Variants in ERI3 observed in about 807,000 individuals in gnomAD.
The protein encoded by ERI3 is ERI1 exoribonuclease 3.
Under a neutral mutation model 44.4 loss-of-function variants are expected in ERI3, and 18 were observed. That is an observed-to-expected ratio of 0.41 (90% CI 0.28 to 0.60). ERI3 has a LOEUF of 0.60. Among genes scored for constraint, ERI3 ranks in the 20% least tolerant of loss-of-function variants. The pLI is 0.36. For synonymous variants in ERI3, 183 were observed against 164.8 expected (o/e 1.11, Z -0.84); for missense variants, 294 against 435.5 (o/e 0.68, Z 2.89).
intron 7 of ERI3, among the ~76,000 whole-genome samples, chr1:44,265,396 T>G (rs325168): frequency 0.43 from 65,421 of 152,066 alleles, 15,895 homozygotes; most frequent in African/African-American, 0.67. Context: ...ACATCAGAAG[T>G]GGGGAACCAG....
In ERI3 at chr1:44,228,371, G is replaced by A. The variant is rs966710361; in HGVS notation, c.932-6731C>T. Among the ~76,000 whole-genome samples the A allele has an allele frequency of 3.9e-5, 6 of 152,178 alleles. No homozygotes were observed. Among genetic ancestry groups the A allele is most frequent in the Non-Finnish European group, 5.9e-5 (4 of 68,036 alleles). On this transcript the variant is annotated intron_variant, in intron 8 of 8. Transcript: ENST00000372257. The surrounding 1 kb of genome is among the most constrained non-coding windows in gnomAD (Gnocchi z 4.3). ...CGATTTCTCTCACCGTAATAAGCGC[G>A]CTCCAAATAATTAGCGTGTTTTACG...
chr1:44,245,705 C>G (rs1644540852), intron 8 of ERI3, among the ~76,000 whole-genome samples: 2 of 152,288 alleles, frequency 1.3e-5, no homozygotes, highest in Admixed American at 1.3e-4. Context: ...AACAGGTGAA[C>G]AGATAACAGG....
intron 7 of ERI3, among the ~76,000 whole-genome samples, chr1:44,277,425 C>A (rs920420214): frequency 6.6e-6 from 1 of 152,176 alleles, no homozygotes; most frequent in African/African-American, 2.4e-5. Flanking sequence ...CCCTACTTGC[C>A]CCACCACAGC....
At chr1:44,317,262 C>T (rs182626262) in intron 4 of ERI3, among the ~76,000 whole-genome samples, 1 of 152,306 alleles carries the variant, frequency 6.6e-6, no homozygotes, top group Admixed American at 6.5e-5. Flanking sequence ...CTCACACTTA[C>T]TAATGAGAGA....
At chr1:44,289,811 G>C (rs1645468140) in intron 6 of ERI3, among the ~76,000 whole-genome samples, 1 of 152,260 alleles carries the variant, frequency 6.6e-6, no homozygotes, top group South Asian at 2.1e-4. Flanking sequence ...CTTGTGAGCG[G>C]GAGCTCAGCT....
At chr1:44,247,886 G>T (rs779663035) in intron 8 of ERI3, 53 bp downstream of exon 8, 2 of 1,453,038 alleles carry the variant, frequency 1.4e-6, no homozygotes, top group East Asian at 4.8e-5. Context: ...ACTGGGGCAC[G>T]CGGGCAAGGG....
chr1:44,259,493 T>C (rs182637489), intron 7 of ERI3, among the ~76,000 whole-genome samples: 1 of 152,224 alleles, frequency 6.6e-6, no homozygotes, highest in Non-Finnish European at 1.5e-5. Flanking sequence ...CCTAAGGCCA[T>C]TCAGGGGCCC....
intron 7 of ERI3, among the ~76,000 whole-genome samples, chr1:44,269,005 G>C (rs900514881): frequency 1.1e-4 from 17 of 152,300 alleles, no homozygotes; most frequent in African/African-American, 4.1e-4. Context: ...TAGCTCTCCT[G>C]TCCTGATGCC....
Position 44,248,038 on chromosome 1 carries a change from C to A in ERI3, c.832G>T (p.Ala278Ser). 6.2e-7 allele frequency: 1 copy of A among 1,610,432 alleles called. No individual in the cohort carries two copies. Reference sequence around the variant, plus strand: ...CAGCAGCCCATGGCGAAGCTGTAAGCCTGGAAGACAGGAGGCAAGTGGTTA... The same window carrying A: ...CAGCAGCCCATGGCGAAGCTGTAAGACTGGAAGACAGGAGGCAAGTGGTTA... Reference protein sequence around the residue: ...YFKQWINLKKAYSFAMGCWPK... With the variant: ...YFKQWINLKKSYSFAMGCWPK... The change falls in exon 8 of 9, where the codon GCT (alanine) becomes TCT (serine). Residue 278 changes from alanine (A) to serine (S), a missense_variant and splice_region_variant. Coordinates refer to ENST00000372257, the MANE Select transcript of ERI3 (RefSeq NM_024066.3).
At chr1:44,288,626 C>T (rs1645441420) in intron 6 of ERI3, among the ~76,000 whole-genome samples, 1 of 152,136 alleles carries the variant, frequency 6.6e-6, no homozygotes, top group South Asian at 2.1e-4. Context: ...TACAACAAGG[C>T]AAGGGTAGTA....
intron 2 of ERI3, among the ~76,000 whole-genome samples, chr1:44,342,810 CTAATATATATATATATATATAT>C (rs1347202969): frequency 3.0e-4 from 13 of 42,850 alleles, no homozygotes; most frequent in Non-Finnish European, 5.1e-4. Context: ...CCACATCCAG[CTAATATATATATATATATATAT>C]ATATATATAT....
In ERI3 at chr1:44,228,230, C is replaced by T. The variant is rs575746227; in HGVS notation, c.932-6590G>A. Among the ~76,000 whole-genome samples the T allele has an allele frequency of 1.6e-4, 25 of 152,254 alleles. No homozygotes were observed. The highest frequency in any genetic ancestry group is 3.1e-4 in the Non-Finnish European group (21 of 68,018). ...TCCAAAGTGACCCCTTCTTTCAGCC[C>T]CTCCCCTCAGCCCCCTCCACCCCAC... is the stretch of plus-strand genomic sequence containing the variant. On this transcript the variant is annotated intron_variant, in intron 8 of 8. Coordinates refer to ENST00000372257, the MANE Select transcript of ERI3 (RefSeq NM_024066.3). This position sits in a 1 kb window ranked among gnomAD's most constrained non-coding sequence, Gnocchi z 4.3.
intron 8 of ERI3, among the ~76,000 whole-genome samples, chr1:44,224,121 C>T (rs778166035): frequency 1.3e-5 from 2 of 152,158 alleles, no homozygotes; most frequent in South Asian, 2.1e-4. Context: ...TATGAACTTA[C>T]GCAGATTTTC....
At chr1:44,330,120 A>G (rs1055593607) in intron 3 of ERI3, among the ~76,000 whole-genome samples, 4 of 152,196 alleles carry the variant, frequency 2.6e-5, no homozygotes, top group Non-Finnish European at 5.9e-5. Context: ...ACTCTGGCTT[A>G]TAACATCTAT....
At chr1:44,331,063 C>G (rs1296633851) in intron 3 of ERI3, among the ~76,000 whole-genome samples, 1 of 152,138 alleles carries the variant, frequency 6.6e-6, no homozygotes, top group Non-Finnish European at 1.5e-5. Flanking sequence ...GCTGGCTTTG[C>G]TTTCTATGGC....
chr1:44,223,773 G>T (rs899518752), intron 8 of ERI3, among the ~76,000 whole-genome samples: 4 of 152,110 alleles, frequency 2.6e-5, no homozygotes, highest in African/African-American at 9.7e-5. Flanking sequence ...CCCTGTGCTG[G>T]GAGAGGGTCC....
chr1:44,285,372 G>T (rs1236396798), intron 6 of ERI3, among the ~76,000 whole-genome samples: 1 of 152,136 alleles, frequency 6.6e-6, no homozygotes, highest in East Asian at 1.9e-4. Context: ...TCTATGCACT[G>T]GTTTGTTATT....
chr1:44,322,661 A>T, intron 3 of ERI3: 1 of 1,487,030 alleles, frequency 6.7e-7, no homozygotes, highest in Non-Finnish European at 9.0e-7. Context: ...GCAAAAGAGA[A>T]GCTTCTGAGA....
At chr1:44,259,068 T>C (rs1366369804) in intron 7 of ERI3, among the ~76,000 whole-genome samples, 1 of 152,204 alleles carries the variant, frequency 6.6e-6, no homozygotes, top group Non-Finnish European at 1.5e-5. Flanking sequence ...GCCTATTACA[T>C]GCCAGGCTAT....
Sources: allele counts gnomAD v4.1 joint callset (sites outside exome capture counted in the v4.1 genomes callset), GRCh38; gene constraint gnomAD v4.1.1; non-coding constraint Gnocchi (gnomAD v3.1); transcripts MANE v1.5; gene names NCBI Gene and HGNC (gene_info 2026-07-23, HGNC 2026-07-21).